The following CYFIP2 variants were observed in gnomAD, a reference collection of about 807,000 sequenced individuals.
The protein encoded by CYFIP2 is cytoplasmic FMR1 interacting protein 2.
CYFIP2 carries 29 observed loss-of-function variants against 158.7 expected under a neutral mutation model. That is an observed-to-expected ratio of 0.18 (90% CI 0.14 to 0.25). CYFIP2 has a LOEUF of 0.25. CYFIP2 is among the 10% of genes least tolerant of loss of function. CYFIP2 has a pLI of 1.00. For missense variants in CYFIP2, 852 were observed against 1,639.5 expected (o/e 0.52, Z 8.29); for synonymous variants, 585 against 617.6 (o/e 0.95, Z 0.78).
intron 13 of CYFIP2, 38 bp from the exon 14 acceptor site, chr5:157,319,724 G>A (rs1561722987): frequency 6.2e-7 from 1 of 1,608,714 alleles, no homozygotes; most frequent in East Asian, 2.2e-5. Context: ...TGGTGTGCTG[G>A]ACATGGTGAA....
In CYFIP2 at chr5:157,393,442, G is replaced by A. The variant is rs1481397116; in HGVS notation, c.*442G>A. 1.3e-5 allele frequency: 2 copies of A among 154,268 alleles called. No individual in the cohort carries two copies. Among genetic ancestry groups the A allele is most frequent in the Non-Finnish European group, 2.9e-5 (2 of 69,594 alleles). 9.6% of individuals were successfully genotyped at this position (154,268 alleles called of 1,614,324 possible). ...TGGCCATGCCCAGAGACGCCAGCCT[G>A]GCCAGAAGGGCATGCCTCAGCTTAC... On this transcript the variant is annotated 3_prime_UTR_variant, in exon 31 of 31. Coordinates refer to ENST00000620254, the MANE Select transcript of CYFIP2 (RefSeq NM_001037333.3).
At chr5:157,371,171 A>G (rs1764962719) in intron 26 of CYFIP2, among the ~76,000 whole-genome samples, 1 of 152,148 alleles carries the variant, frequency 6.6e-6, no homozygotes, top group Non-Finnish European at 1.5e-5. Context: ...CAGGCTCTGT[A>G]TCCTCGGGGC....
intron 3 of CYFIP2, among the ~76,000 whole-genome samples, chr5:157,294,251 G>C (rs1758070140): frequency 6.6e-6 from 1 of 152,200 alleles, no homozygotes; most frequent in Non-Finnish European, 1.5e-5. Flanking sequence ...AGGTTAAACT[G>C]TCAACGAAAT....
At chr5:157,363,582 C>G (rs1764050912) in intron 26 of CYFIP2, 2 of 152,548 alleles carry the variant, frequency 1.3e-5, no homozygotes, top group Non-Finnish European at 2.9e-5. Flanking sequence ...TCATAGTGAG[C>G]TGGTGCCAAG....
intron 1 of CYFIP2, among the ~76,000 whole-genome samples, chr5:157,282,304 G>A (rs112839393): frequency 0.083 from 12,557 of 152,186 alleles, 663 homozygotes; most frequent in Middle Eastern, 0.14. Flanking sequence ...TGGGCAGTGT[G>A]GGGGAGGGAG....
chr5:157,290,953 G>T (rs1341166382), intron 3 of CYFIP2, among the ~76,000 whole-genome samples: 2 of 152,226 alleles, frequency 1.3e-5, no homozygotes, highest in Non-Finnish European at 2.9e-5. Context: ...TTGCTGGGGT[G>T]AGATGGGGGC....
chr5:157,363,017 A>T (rs1363827354), intron 26 of CYFIP2: 1 of 152,298 alleles, frequency 6.6e-6, no homozygotes, highest in African/African-American at 2.4e-5. Context: ...GTGTTGTCAT[A>T]TTGAACAAAG....
Position 157,383,349 on chromosome 5 carries a change from G to T in CYFIP2, c.3197G>T (p.Gly1066Val). 1 of 1,613,686 alleles carries T rather than the reference G, an allele frequency of 6.2e-7. No individual in the cohort carries two copies. The highest frequency in any genetic ancestry group is 8.5e-7 in the Non-Finnish European group (1 of 1,179,802). Residue 1066 changes from glycine to valine, a missense_variant, in exon 28 of 31, where the codon GGG becomes GTG. By Grantham distance (109) the Gly-to-Val change is moderately radical (BLOSUM62 -3). This residue lies in a region of CYFIP2 where 223 missense variants were observed against 381.6 expected (regional missense o/e 0.58). Coordinates refer to ENST00000620254, the MANE Select transcript of CYFIP2 (RefSeq NM_001037333.3). Reference protein sequence around the residue: ...LHLVPLIERLGTPQQIAIARE... With the variant: ...LHLVPLIERLVTPQQIAIARE... ...CTGGTCCCTCTGATCGAGCGGCTGG[G>T]GACCCCTCAGGTACCAATCTTATAT...
At chr5:157,388,743 G>A (rs1015069176) in intron 28 of CYFIP2, among the ~76,000 whole-genome samples, 1 of 152,196 alleles carries the variant, frequency 6.6e-6, no homozygotes, top group African/African-American at 2.4e-5. Flanking sequence ...TTCTTCGTCT[G>A]TAAAATGGGG....
chr5:157,323,486 G>A (rs1307511167), intron 15 of CYFIP2, among the ~76,000 whole-genome samples: 1 of 152,214 alleles, frequency 6.6e-6, no homozygotes, highest in African/African-American at 2.4e-5. Flanking sequence ...GAGGCCCAGA[G>A]TGGGGGCTTT....
At position 157,395,526 on chromosome 5, in the gene CYFIP2, G is replaced by C; in HGVS notation, c.*2526G>C. 1 of 788,260 alleles carries C rather than the reference G, an allele frequency of 1.3e-6. No homozygotes were observed. The highest frequency in any genetic ancestry group is 1.9e-6 in the Non-Finnish European group (1 of 535,628). The allele number at this position is 788,260 out of a possible 1,614,324, so 48.8% of individuals were successfully genotyped here. On this transcript the variant is annotated 3_prime_UTR_variant, in exon 31 of 31. Coordinates refer to ENST00000620254, the MANE Select transcript of CYFIP2 (RefSeq NM_001037333.3). ...AAGATGATATTTTGATTTGTATTTTGGGGGTACCTGTGTTGAGTTGATAAA... is the reference window on the plus strand; with the variant it reads ...AAGATGATATTTTGATTTGTATTTTCGGGGTACCTGTGTTGAGTTGATAAA...
intron 19 of CYFIP2, among the ~76,000 whole-genome samples, chr5:157,328,840 T>C (rs1561732789): frequency 6.6e-6 from 1 of 152,224 alleles, no homozygotes; most frequent in Non-Finnish European, 1.5e-5. Context: ...GGATCAGAGA[T>C]GTATCAAGCT....
chr5:157,317,541 C>A (rs1760249981), intron 13 of CYFIP2, among the ~76,000 whole-genome samples: 1 of 152,182 alleles, frequency 6.6e-6, no homozygotes, highest in Non-Finnish European at 1.5e-5. Context: ...CTTCCTACCT[C>A]CCATCCCTGC....
At chr5:157,390,824 C>T (rs1561794974) in intron 30 of CYFIP2, among the ~76,000 whole-genome samples, 156 bp downstream of exon 30, 6 of 152,094 alleles carry the variant, frequency 3.9e-5, no homozygotes. Context: ...TAGAGGAAGT[C>T]GTGAGGTCGT....
At chr5:157,308,795 C>G (rs771888607) in intron 9 of CYFIP2, among the ~76,000 whole-genome samples, 12 of 152,140 alleles carry the variant, frequency 7.9e-5, no homozygotes, top group Non-Finnish European at 1.8e-4. Flanking sequence ...TTGGGAGACC[C>G]TTGCAAAATC....
At chr5:157,392,730 C>A (rs1767434180) in intron 30 of CYFIP2, 103 bp from the exon 31 acceptor site, 4 of 1,272,416 alleles carry the variant, frequency 3.1e-6, no homozygotes, top group Non-Finnish European at 4.4e-6. Context: ...GTGACATGAT[C>A]ACTGATGCAG....
In CYFIP2 at chr5:157,393,532, C is replaced by G. The variant is rs1156715742; in HGVS notation, c.*532C>G. The G allele has an allele frequency of 6.8e-6, 1 of 147,904 alleles. No homozygotes were observed. 9.2% of individuals were successfully genotyped at this position (147,904 alleles called of 1,614,324 possible). A position where few individuals can be genotyped will look rare whatever the true frequency, so the allele number is the denominator to read the frequency against. On this transcript the variant is annotated 3_prime_UTR_variant, in exon 31 of 31. Transcript: ENST00000620254. ...GTGTCATCTTCTCCCACTCTGGGTA[C>G]CAGGGATTCTACCACATAGGCTTCC...
intron 1 of CYFIP2, among the ~76,000 whole-genome samples, chr5:157,279,351 T>A: frequency 6.6e-6 from 1 of 152,240 alleles, no homozygotes. Context: ...TTCACTTCAG[T>A]AAAAAGTCTT....
chr5:157,326,097 C>A, intron 17 of CYFIP2, 74 bp from the exon 18 acceptor site: 1 of 1,134,808 alleles, frequency 8.8e-7, no homozygotes, highest in Non-Finnish European at 1.3e-6. Context: ...GTTTCTATTT[C>A]CCAAGCAAGT....
Sources: allele counts gnomAD v4.1 joint callset (sites outside exome capture counted in the v4.1 genomes callset), GRCh38; gene constraint gnomAD v4.1.1; regional missense constraint gnomAD v4.1.1; transcripts MANE v1.5; gene names NCBI Gene and HGNC (gene_info 2026-07-23, HGNC 2026-07-21).